FLT4: variants seen among roughly 807,000 people sequenced by gnomAD.
FLT4 encodes the protein vascular endothelial growth factor receptor 3.
A neutral mutation model predicts 163.2 loss-of-function variants in FLT4; 30 were observed. The observed-to-expected ratio is 0.18, with a 90% CI of 0.14 to 0.25. The LOEUF is 0.25. Among genes scored for constraint, FLT4 ranks in the 10% least tolerant of loss-of-function variants. The pLI is 1.00. For synonymous variants in FLT4, 884 were observed against 789.5 expected (o/e 1.12, Z -2.01); for missense variants, 1,510 against 1,863.8 (o/e 0.81, Z 3.50).
intron 29 of FLT4, chr5:180,607,873 G>T: frequency 1.8e-6 from 1 of 563,970 alleles, no homozygotes; most frequent in Non-Finnish European, 3.1e-6. Flanking sequence ...GACCTAGAAG[G>T]CAAGAGGTGA....
intron 1 of FLT4, among the ~76,000 whole-genome samples, chr5:180,646,688 T>C (rs1285287816): frequency 2.0e-5 from 3 of 152,192 alleles, no homozygotes; most frequent in Non-Finnish European, 4.4e-5. Context: ...GAAACCCCTG[T>C]GCGATGGGGC....
At chr5:180,634,571 G>A (rs1229711854) in intron 1 of FLT4, among the ~76,000 whole-genome samples, 1 of 151,078 alleles carries the variant, frequency 6.6e-6, no homozygotes, top group African/African-American at 2.4e-5. Flanking sequence ...GCATGGTGGC[G>A]GGCGCCCAGC....
At chr5:180,627,230 A>ACACT (rs1763693703) in intron 8 of FLT4, among the ~76,000 whole-genome samples, 2 of 152,178 alleles carry the variant, frequency 1.3e-5, no homozygotes, top group Non-Finnish European at 2.9e-5. Flanking sequence ...TGGGAGAGGC[A>ACACT]CAGCCCTCGG....
chr5:180,621,651 G>A lies in FLT4; in HGVS notation c.1911C>T (p.Ser637=). ...VAPGARHATL[S]LSIPRVAPEH... ...CGGGCGCGACGCGGGGGATACTCAG[G>A]CTGAGCGTGGCGTGGCGCGCCCCAG... The change falls in exon 13 of 30, where the codon AGC becomes AGT. Residue 637 remains serine, a synonymous_variant. Transcript: ENST00000261937. The A allele has an allele frequency of 6.2e-7, 1 of 1,608,544 alleles. No homozygotes were observed. Among genetic ancestry groups the A allele is most frequent in the Non-Finnish European group, 8.5e-7 (1 of 1,176,646 alleles).
intron 1 of FLT4, among the ~76,000 whole-genome samples, chr5:180,640,718 G>A (rs1267156835): frequency 6.6e-6 from 1 of 152,170 alleles, no homozygotes; most frequent in Non-Finnish European, 1.5e-5. Flanking sequence ...CTCCCATGAT[G>A]TGGGAGTCGG....
At position 180,623,350 on chromosome 5, in the gene FLT4, G is replaced by A. The variant is rs1365202870; in HGVS notation, c.1549-511C>T. ...TTGAGAGGGGTGGGGATGGCTCCCA[G>A]AAGGACTGAGGCCTCAGGGAGTAGG... is the stretch of plus-strand genomic sequence containing the variant. On this transcript the variant is annotated intron_variant, in intron 11 of 29. Transcript: ENST00000261937. The surrounding 1 kb of genome is among the most constrained non-coding windows in gnomAD (Gnocchi z 5.8). Among the ~76,000 whole-genome samples, 1 of 152,168 alleles carries A rather than the reference G, an allele frequency of 6.6e-6. No homozygotes were observed. Among genetic ancestry groups the A allele is most frequent in the Non-Finnish European group, 1.5e-5 (1 of 68,018 alleles).
chr5:180,643,199 C>T (rs1765252215), intron 1 of FLT4, among the ~76,000 whole-genome samples: 1 of 152,242 alleles, frequency 6.6e-6, no homozygotes, highest in Admixed American at 6.5e-5. Flanking sequence ...TGATGCTCAC[C>T]CACCAGACAT....
At position 180,621,192 on chromosome 5, in the gene FLT4, G is replaced by A. The variant is rs755931433; in HGVS notation, c.2081C>T (p.Ser694Leu). ...GGCCACCAAGCACTGCATCTCCAGC[G>A]AGTCGCTCACGTTCACCAGGAGGTC... ...LTDLLVNVSD[S>L]LEMQCLVAGA... The change falls in exon 14 of 30, where the codon TCG becomes TTG. Residue 694 changes from serine (S) to leucine (L), a missense_variant. Physicochemically the swap from Ser to Leu is moderately radical, Grantham distance 145. This residue lies in a region of FLT4 where 878 missense variants were observed against 1,016.7 expected (regional missense o/e 0.86). Coordinates refer to ENST00000261937, the MANE Select transcript of FLT4 (RefSeq NM_182925.5). 6.6e-5 allele frequency: 106 copies of A among 1,612,822 alleles called. No individual in the cohort carries two copies. Among genetic ancestry groups the A allele is most frequent in the Non-Finnish European group, 8.7e-5 (103 of 1,179,974 alleles).
In FLT4 at chr5:180,621,264, G is replaced by A. The variant is rs777388317; in HGVS notation, c.2021-12C>T. Reference sequence around the variant, plus strand: ...AGGGGCTTCCAGGGCTGGGGGCAGGGGTCGAGAGGGAGCTAAGTGGAGCTG... The same window carrying A: ...AGGGGCTTCCAGGGCTGGGGGCAGGAGTCGAGAGGGAGCTAAGTGGAGCTG... On this transcript the variant is annotated splice_polypyrimidine_tract_variant and intron_variant, in intron 13 of 29. Coordinates refer to ENST00000261937, the MANE Select transcript of FLT4 (RefSeq NM_182925.5). The A allele has an allele frequency of 8.7e-6, 14 of 1,610,362 alleles. No individual in the cohort carries two copies. The highest frequency in any genetic ancestry group is 1.2e-5 in the Non-Finnish European group (14 of 1,178,218).
At chr5:180,614,756 C>T (rs1762508034) in intron 23 of FLT4, among the ~76,000 whole-genome samples, 1 of 152,154 alleles carries the variant, frequency 6.6e-6, no homozygotes, top group African/African-American at 2.4e-5. Flanking sequence ...CAGCTTACGG[C>T]ATAAGGGAGG....
chr5:180,629,202 C>T (rs764781024), intron 7 of FLT4, 57 bp downstream of exon 7: 341 of 1,602,996 alleles, frequency 2.1e-4, no homozygotes, highest in Non-Finnish European at 2.7e-4. Context: ...TCAAGGGCAC[C>T]GTGAGCTCTG....
rs557854285 is a variant in FLT4, at chr5:180,611,233, C to T, written c.3686+98G>A. On this transcript the variant is annotated intron_variant, in intron 27 of 29. Transcript: ENST00000261937. The stretch of plus-strand genomic sequence containing the variant: ...GTTTGTGCACACTGGCCTCTGACGT[C>T]GCATGATTTGCTTTTCCCCGATGAC... 58 of 1,393,720 alleles carry T rather than the reference C, an allele frequency of 4.2e-5. No individual in the cohort carries two copies. The East Asian group carries it at 4.9e-4, about 12-fold the overall frequency. The allele number at this position is 1,393,720 out of a possible 1,614,324, so 86.3% of individuals were successfully genotyped here.
Position 180,603,279 on chromosome 5 carries a change from G to T in FLT4, c.4005C>A (p.Ser1335Arg), listed in dbSNP as rs774068221. Residue 1335 changes from serine (S) to arginine (R), a missense_variant, in exon 30 of 30, where the codon AGC (serine) becomes AGA (arginine). Around this residue, in one of 5 missense-constraint regions of FLT4, gnomAD observed 295 missense variants for 311.0 expected, o/e 0.95. Coordinates refer to ENST00000261937, the MANE Select transcript of FLT4 (RefSeq NM_182925.5). Reference sequence around the variant, plus strand: ...TTGGCTCCGACAGCTCCCCATACTCGCTGTTGTAAAACACCTGGCCTCCTC... The same window carrying T: ...TTGGCTCCGACAGCTCCCCATACTCTCTGTTGTAAAACACCTGGCCTCCTC... The part of the protein sequence containing the change: ...GARGGQVFYN[S>R]EYGELSEPSE... 6.2e-7 allele frequency: 1 copy of T among 1,614,054 alleles called. No individual in the cohort carries two copies. Among genetic ancestry groups the T allele is most frequent in the Non-Finnish European group, 8.5e-7 (1 of 1,180,002 alleles).
intron 1 of FLT4, among the ~76,000 whole-genome samples, chr5:180,634,598 G>T (rs1764409951): frequency 6.7e-6 from 1 of 149,914 alleles, no homozygotes; most frequent in Admixed American, 6.7e-5. Context: ...GGGAGGCTGA[G>T]GCGGGAGAAT....
chr5:180,615,551 C>T (rs1277945974), intron 23 of FLT4, among the ~76,000 whole-genome samples: 12 of 39,594 alleles, frequency 3.0e-4, no homozygotes, highest in South Asian at 1.3e-3. Context: ...CTGGGCCCGC[C>T]GGTCACCTCC....
At chr5:180,633,212 C>T (rs1439067757) in intron 1 of FLT4, among the ~76,000 whole-genome samples, 1 of 152,198 alleles carries the variant, frequency 6.6e-6, no homozygotes, top group Non-Finnish European at 1.5e-5. Context: ...TCAATGATCT[C>T]TGGCCTCTCC....
intron 25 of FLT4, 37 bp from the exon 26 acceptor site, chr5:180,612,648 C>G: frequency 6.8e-7 from 1 of 1,475,894 alleles, no homozygotes; most frequent in Non-Finnish European, 9.4e-7. Flanking sequence ...TGCATGCACC[C>G]CACCCCCGTC....
At chr5:180,615,409 A>G (rs1762587502) in intron 23 of FLT4, among the ~76,000 whole-genome samples, 2 of 118,830 alleles carry the variant, frequency 1.7e-5, no homozygotes, top group Admixed American at 1.8e-4. Flanking sequence ...CCCGCTGGTC[A>G]CCTCCCTTCT....
chr5:180,622,360 G>C (rs796389876), intron 12 of FLT4, among the ~76,000 whole-genome samples: 19 of 151,842 alleles, frequency 1.3e-4, no homozygotes, highest in African/African-American at 4.4e-4. Context: ...CTCTCCTGAG[G>C]TCACTACCAC....
Sources: allele counts gnomAD v4.1 joint callset (sites outside exome capture counted in the v4.1 genomes callset), GRCh38; gene constraint gnomAD v4.1.1; regional missense constraint gnomAD v4.1.1; non-coding constraint Gnocchi (gnomAD v3.1); transcripts MANE v1.5; gene names NCBI Gene and HGNC (gene_info 2026-07-23, HGNC 2026-07-21).